RECK: variants seen among roughly 807,000 people sequenced by gnomAD.
RECK encodes reversion-inducing cysteine-rich protein with Kazal motifs.
RECK carries 69 observed loss-of-function variants against 115.1 expected under a neutral mutation model. The observed-to-expected ratio is 0.60, with a 90% CI of 0.49 to 0.73. The LOEUF is 0.73. Ranked by LOEUF, RECK falls within the 30% of genes least tolerant of loss-of-function variation. The pLI is 0.00. For missense variants in RECK, 1,047 were observed against 1,203.7 expected (o/e 0.87, Z 1.93); for synonymous variants, 414 against 419.7 (o/e 0.99, Z 0.17).
At chr9:36,077,504 G>A (rs1368973016) in intron 6 of RECK, among the ~76,000 whole-genome samples, 1 of 152,090 alleles carries the variant, frequency 6.6e-6, no homozygotes, top group African/African-American at 2.4e-5. Flanking sequence ...ATCATGATAG[G>A]TGTAACAGAA....
At chr9:36,091,133 G>T in intron 9 of RECK, 31 bp from the exon 10 acceptor site, 1 of 1,608,646 alleles carries the variant, frequency 6.2e-7, no homozygotes, top group Non-Finnish European at 8.5e-7. Context: ...GTTGGCTCAT[G>T]TCGGCTTCTG....
intron 9 of RECK, among the ~76,000 whole-genome samples, 193 bp downstream of exon 9, chr9:36,088,154 A>C (rs1823037033): frequency 6.6e-6 from 1 of 152,192 alleles, no homozygotes; most frequent in South Asian, 2.1e-4. Flanking sequence ...CTGTATATTG[A>C]GTGCTAAAAG....
At chr9:36,071,703 G>A (rs1202519851) in intron 6 of RECK, among the ~76,000 whole-genome samples, 1 of 152,068 alleles carries the variant, frequency 6.6e-6, no homozygotes, top group African/African-American at 2.4e-5. Flanking sequence ...GTTAGTAGGG[G>A]GTATTTTTGT....
intron 1 of RECK, among the ~76,000 whole-genome samples, chr9:36,040,674 T>C (rs1207944085): frequency 1.3e-5 from 2 of 151,914 alleles, no homozygotes; most frequent in African/African-American, 2.4e-5. Flanking sequence ...TAGAAGGCCA[T>C]TGCAGTAGTT....
intron 18 of RECK, among the ~76,000 whole-genome samples, chr9:36,120,009 C>T (rs1175443871): frequency 3.3e-5 from 5 of 152,148 alleles, no homozygotes; most frequent in South Asian, 4.1e-4. Flanking sequence ...CCGAGGCAGG[C>T]GGATCACGAG....
At chr9:36,122,786 G>A (rs766898967) in intron 20 of RECK, 38 bp from the exon 21 acceptor site, 36 of 1,555,686 alleles carry the variant, frequency 2.3e-5, no homozygotes, top group Non-Finnish European at 3.1e-5. Context: ...AAAACGTTCT[G>A]TGGTTTTATA....
intron 16 of RECK, among the ~76,000 whole-genome samples, chr9:36,116,238 C>A (rs1351403322): frequency 6.6e-6 from 1 of 150,544 alleles, no homozygotes; most frequent in East Asian, 2.0e-4. Flanking sequence ...AAGCGATTAT[C>A]CTGCCTCAGC....
chr9:36,096,007 G>A (rs534297000), intron 10 of RECK, among the ~76,000 whole-genome samples: 19 of 150,214 alleles, frequency 1.3e-4, no homozygotes, highest in Non-Finnish European at 2.7e-4. Context: ...GGCGGAGGTT[G>A]CAGCGAGCTG....
intron 8 of RECK, among the ~76,000 whole-genome samples, chr9:36,087,098 G>A (rs1322857239): frequency 1.3e-5 from 2 of 151,896 alleles, no homozygotes; most frequent in Non-Finnish European, 2.9e-5. Flanking sequence ...TGCAAATACT[G>A]ACATATAACT....
chr9:36,109,906 C>A, intron 14 of RECK, 51 bp from the exon 15 acceptor site: 1 of 1,517,728 alleles, frequency 6.6e-7, no homozygotes, highest in South Asian at 1.2e-5. Context: ...AATACGTGCT[C>A]TATTTCTCAA....
chr9:36,065,228 T>TAAAAAAAAAAAAAAA (rs561725701), intron 5 of RECK, among the ~76,000 whole-genome samples: 1 of 50,540 alleles, frequency 2.0e-5, no homozygotes, highest in Non-Finnish European at 3.9e-5. Flanking sequence ...GGAATTCAGC[T>TAAAAAAAAAAAAAAA]AAAAAAAAAA....
chr9:36,122,306 C>T (rs1824491646), intron 20 of RECK, among the ~76,000 whole-genome samples: 1 of 152,136 alleles, frequency 6.6e-6, no homozygotes, highest in Non-Finnish European at 1.5e-5. Context: ...TTTCATGTTT[C>T]AATGGACATT....
At chr9:36,049,187 C>T (rs1054035761) in intron 1 of RECK, among the ~76,000 whole-genome samples, 1 of 152,112 alleles carries the variant, frequency 6.6e-6, no homozygotes, top group Non-Finnish European at 1.5e-5. Flanking sequence ...ATGTGTTCAA[C>T]CAGGAAAGCT....
chr9:36,075,682 T>A (rs933602180), intron 6 of RECK, among the ~76,000 whole-genome samples: 1 of 152,180 alleles, frequency 6.6e-6, no homozygotes, highest in African/African-American at 2.4e-5. Context: ...CTATGAAATG[T>A]GAAACTTTAA....
chr9:36,059,347 T>C (rs1223669835), intron 3 of RECK, among the ~76,000 whole-genome samples: 1 of 151,616 alleles, frequency 6.6e-6, no homozygotes, highest in Admixed American at 6.6e-5. Flanking sequence ...TCCCAGCTAC[T>C]CCAGAGGCTG....
Position 36,037,388 on chromosome 9 carries a change from C to T in RECK, c.100+290C>T, listed in dbSNP as rs117071124. On this transcript the variant is annotated intron_variant, in intron 1 of 20. Coordinates refer to ENST00000377966, the MANE Select transcript of RECK (RefSeq NM_021111.3). ...GCACTGACCCCTTCGCTTGCCTCTGCTGCTTGTCAGAAAAGGGTGCGATGC... is the reference window on the plus strand; with the variant it reads ...GCACTGACCCCTTCGCTTGCCTCTGTTGCTTGTCAGAAAAGGGTGCGATGC... Among the ~76,000 whole-genome samples, 143 of 151,936 alleles carry T rather than the reference C, an allele frequency of 9.4e-4. 2 individuals are homozygous for T. The East Asian group carries it at 0.025, about 27-fold the overall frequency.
chr9:36,089,989 C>G (rs916739451), intron 9 of RECK, among the ~76,000 whole-genome samples: 4 of 151,490 alleles, frequency 2.6e-5, no homozygotes, highest in African/African-American at 4.9e-5. Flanking sequence ...CACACACACA[C>G]ACACACACAC....
intron 6 of RECK, chr9:36,066,928 T>G: frequency 8.8e-7 from 1 of 1,130,882 alleles, no homozygotes; most frequent in Non-Finnish European, 1.2e-6. Flanking sequence ...CTTTTCCCAG[T>G]CTATCTTCCC....
At chr9:36,104,276 ATGTGTG>A (rs200067838) in intron 12 of RECK, among the ~76,000 whole-genome samples, 1 of 61,962 alleles carries the variant, frequency 1.6e-5, no homozygotes, top group South Asian at 6.7e-4. Flanking sequence ...CATACATAGC[ATGTGTG>A]TGTGTGTGTG....
Sources: allele counts gnomAD v4.1 joint callset (sites outside exome capture counted in the v4.1 genomes callset), GRCh38; gene constraint gnomAD v4.1.1; transcripts MANE v1.5; gene names NCBI Gene and HGNC (gene_info 2026-07-23, HGNC 2026-07-21).